The following RIPOR3 variants were observed in gnomAD, a reference collection of about 807,000 sequenced individuals.
RIPOR3 encodes the protein family with sequence similarity 65 member C.
In RIPOR3, 95 loss-of-function variants were observed where a neutral mutation model predicts 114.3. The observed-to-expected ratio is 0.83, with a 90% CI of 0.70 to 0.99. The LOEUF is 0.99. Among genes scored for constraint, RIPOR3 ranks in the 50% least tolerant of loss-of-function variants. The pLI is 0.00. For missense variants in RIPOR3, 1,252 were observed against 1,266.9 expected, an observed-to-expected ratio of 0.99 and a Z score of 0.18; for synonymous variants, 575 against 543.8, an observed-to-expected ratio of 1.06 and a Z score of -0.80.
chr20:50,644,676 CTTTTTTTTTTTTTT>C (rs61225138), intron 1 of RIPOR3, among the ~76,000 whole-genome samples: 2 of 74,614 alleles, frequency 2.7e-5, no homozygotes, highest in Non-Finnish European at 4.9e-5. Context: ...TTTTTGTTTG[CTTTTTTTTTTTTTT>C]TTTTTTTTTT....
chr20:50,666,183 A>ATTTCTTTTCTTTTCTTCTTTTCTTTTCT (rs2086191025), intron 1 of RIPOR3, among the ~76,000 whole-genome samples: 3 of 43,764 alleles, frequency 6.9e-5, no homozygotes, highest in African/African-American at 1.6e-4. Context: ...AAGGACACCC[A>ATTTCTTTTCTTTTCTTCTTTTCTTTTCT]TTTCTTTTCT....
At chr20:50,589,829 G>A (rs576383011) in intron 19 of RIPOR3, 60 bp from the exon 20 acceptor site, 20 of 1,499,220 alleles carry the variant, frequency 1.3e-5, no homozygotes, top group East Asian at 2.3e-5. Flanking sequence ...CCATGGTTCC[G>A]GGTCCATCAG....
At chr20:50,603,407 T>G (rs944120745) in intron 12 of RIPOR3, among the ~76,000 whole-genome samples, 3 of 152,084 alleles carry the variant, frequency 2.0e-5, no homozygotes, top group Non-Finnish European at 4.4e-5. Context: ...CCTGGCTAAT[T>G]TTTGTATTTT....
In RIPOR3 at chr20:50,604,780, G is replaced by A. The variant is rs1420936461; in HGVS notation, c.957-6C>T. On this transcript the variant is annotated splice_region_variant and splice_polypyrimidine_tract_variant and intron_variant, in intron 11 of 21. Coordinates refer to ENST00000327979, the MANE Select transcript of RIPOR3 (RefSeq NM_001290268.2). ...AGCTCTCAGTATCAAACGGGCTGGA[G>A]GAGAGAACAGAAGGTCAGGATGCCA... is the stretch of plus-strand genomic sequence containing the variant. 1 of 1,607,510 alleles carries A rather than the reference G, an allele frequency of 6.2e-7. No homozygotes were observed. The highest frequency in any genetic ancestry group is 8.5e-7 in the Non-Finnish European group (1 of 1,177,914).
chr20:50,680,799 G>C (rs1181178375), intron 1 of RIPOR3, among the ~76,000 whole-genome samples: 2 of 152,208 alleles, frequency 1.3e-5, no homozygotes, highest in Non-Finnish European at 2.9e-5. Context: ...GGGTCGGGGG[G>C]TGGGAGGGCA....
chr20:50,605,955 G>A (rs2083697210), intron 11 of RIPOR3, among the ~76,000 whole-genome samples: 1 of 152,178 alleles, frequency 6.6e-6, no homozygotes, highest in African/African-American at 2.4e-5. Flanking sequence ...TGTAATCCCA[G>A]CACTTTGGGA....
intron 2 of RIPOR3, among the ~76,000 whole-genome samples, chr20:50,622,650 A>G (rs1568879206): frequency 6.6e-6 from 1 of 151,910 alleles, no homozygotes; most frequent in African/African-American, 2.4e-5. Context: ...CAGACCTCCC[A>G]ACACACACAC....
intron 20 of RIPOR3, among the ~76,000 whole-genome samples, chr20:50,588,319 G>A (rs1568808813): frequency 6.6e-6 from 1 of 151,540 alleles, no homozygotes; most frequent in Admixed American, 6.6e-5. Context: ...GCGCTGCAGC[G>A]CCCTCTACTG....
chr20:50,593,033 A>G lies in RIPOR3; in HGVS notation c.2374+2T>C, dbSNP rs769589074. The G allele has an allele frequency of 7.4e-6, 12 of 1,613,760 alleles. No individual in the cohort carries two copies. The highest frequency in any genetic ancestry group is 1.3e-5 in the African/African-American group (1 of 74,918). On this transcript the variant is annotated splice_donor_variant, in intron 18 of 21. Coordinates refer to ENST00000327979, the MANE Select transcript of RIPOR3 (RefSeq NM_001290268.2). LOFTEE classifies it high-confidence loss of function. ...TATGACAGCCACCCACCCCAGTCTT[A>G]CCTTCCTTGGTGAGCTGGGTGAAGT...
chr20:50,600,454 G>A (rs1473443672), intron 13 of RIPOR3, among the ~76,000 whole-genome samples: 1 of 152,114 alleles, frequency 6.6e-6, no homozygotes, highest in Non-Finnish European at 1.5e-5. Flanking sequence ...TACAAAAAAA[G>A]GCTGTTAAAA....
At chr20:50,629,653 G>A (rs2426176) in intron 2 of RIPOR3, among the ~76,000 whole-genome samples, 18,817 of 152,206 alleles carry the variant, frequency 0.12, 3,933 homozygotes, top group African/African-American at 0.43. Context: ...CCCTCATCCG[G>A]TAACCCCCCA....
intron 14 of RIPOR3, among the ~76,000 whole-genome samples, chr20:50,596,484 C>G (rs1005423888): frequency 1.3e-5 from 2 of 152,150 alleles, no homozygotes; most frequent in Non-Finnish European, 2.9e-5. Flanking sequence ...GGCGGGCAGT[C>G]GTCTTCCAGG....
In RIPOR3 at chr20:50,606,230, C is replaced by T. The variant is rs755152980; in HGVS notation, c.957-1456G>A. ...CAAAAAGAAAAAAAGAAACCTTTCTCAGACTCTGACCGCCCTGAGGGCCCT... is the reference window on the plus strand; with the variant it reads ...CAAAAAGAAAAAAAGAAACCTTTCTTAGACTCTGACCGCCCTGAGGGCCCT... On this transcript the variant is annotated intron_variant, in intron 11 of 21. Coordinates refer to ENST00000327979, the MANE Select transcript of RIPOR3 (RefSeq NM_001290268.2). Among the ~76,000 whole-genome samples the T allele has an allele frequency of 3.9e-5, 6 of 152,256 alleles. No individual in the cohort carries two copies. In the East Asian group the frequency reaches 1.2e-3, roughly 29 times the overall value.
chr20:50,588,530 AAG>A (rs1479123060), intron 20 of RIPOR3, among the ~76,000 whole-genome samples: 1 of 152,216 alleles, frequency 6.6e-6, no homozygotes, highest in Non-Finnish European at 1.5e-5. Context: ...GGGTTGTATC[AAG>A]AGTCTCAAAA....
intron 1 of RIPOR3, among the ~76,000 whole-genome samples, chr20:50,687,079 A>AAGATG (rs1415826463): frequency 6.6e-6 from 1 of 152,250 alleles, no homozygotes; most frequent in Non-Finnish European, 1.5e-5. Context: ...CTGTTAGGGC[A>AAGATG]TCATTCGCTG....
chr20:50,587,378 C>T (rs1047620369), intron 21 of RIPOR3, 46 bp from the exon 22 acceptor site: 1 of 1,524,664 alleles, frequency 6.6e-7, no homozygotes, highest in Admixed American at 1.7e-5. Flanking sequence ...CCTGCCTTGG[C>T]ACTTCCAACT....
intron 1 of RIPOR3, among the ~76,000 whole-genome samples, chr20:50,683,441 C>T (rs2086922105): frequency 7.1e-6 from 1 of 140,920 alleles, no homozygotes; most frequent in East Asian, 2.3e-4. Context: ...TCATTCAATC[C>T]TACTTACTTT....
chr20:50,601,897 T>C (rs2083507108), intron 13 of RIPOR3, among the ~76,000 whole-genome samples, 175 bp downstream of exon 13: 1 of 152,200 alleles, frequency 6.6e-6, no homozygotes, highest in African/African-American at 2.4e-5. Flanking sequence ...TGAGGGCTGT[T>C]GTTATCCCCG....
chr20:50,616,134 G>C lies in RIPOR3; in HGVS notation c.270-54C>G. The C allele has an allele frequency of 3.2e-6, 5 of 1,555,678 alleles. No individual in the cohort carries two copies. In the South Asian group the frequency reaches 5.8e-5, roughly 18 times the overall value. ...ATGGAAGAGGAAGAAGAAAGGGAAA[G>C]GAAGTAGGCCAAATGGACAATGTCC... On this transcript the variant is annotated intron_variant, in intron 3 of 21. Transcript: ENST00000327979.
Sources: gnomAD v4.1 joint callset for allele counts (sites outside exome capture counted in the v4.1 genomes callset) on GRCh38, gnomAD v4.1.1 for gene constraint, MANE v1.5 for transcripts, NCBI Gene and HGNC (gene_info 2026-07-23, HGNC 2026-07-21) for gene names.